GABBR2: variants seen among roughly 807,000 people sequenced by gnomAD.
GABBR2 encodes the protein gamma-aminobutyric acid type B receptor subunit 2.
In GABBR2, 23 loss-of-function variants were observed where a neutral mutation model predicts 105.6. The ratio of observed to expected loss-of-function variants is 0.22; its 90% confidence interval spans 0.16 to 0.31. The LOEUF is 0.31. GABBR2 is among the 10% of genes least tolerant of loss of function. The pLI, the probability that GABBR2 is intolerant of heterozygous loss-of-function variation, is 1.00. For missense variants in GABBR2, 734 were observed against 1,245.5 expected (o/e 0.59, Z 6.18); for synonymous variants, 478 against 499.7 (o/e 0.96, Z 0.58).
intron 1 of GABBR2, among the ~76,000 whole-genome samples, chr9:98,583,099 G>A (rs973328194): frequency 6.6e-6 from 1 of 152,212 alleles, no homozygotes; most frequent in Non-Finnish European, 1.5e-5. Context: ...CCAGATCAGA[G>A]CTCTTGGCTA....
intron 11 of GABBR2, among the ~76,000 whole-genome samples, chr9:98,384,827 T>C (rs542467214): frequency 3.1e-4 from 47 of 152,300 alleles, no homozygotes; most frequent in African/African-American, 1.1e-3. Context: ...ACCATAGATA[T>C]ATATATAAAG....
At chr9:98,523,586 G>A (rs10986531) in intron 3 of GABBR2, among the ~76,000 whole-genome samples, 36,143 of 152,144 alleles carry the variant, frequency 0.24, 4,992 homozygotes, top group Non-Finnish European at 0.31. Context: ...GTGGATATCC[G>A]AAAAGAAAAA....
At chr9:98,485,537 C>A (rs1299981995) in intron 4 of GABBR2, among the ~76,000 whole-genome samples, 1 of 152,038 alleles carries the variant, frequency 6.6e-6, no homozygotes, top group African/African-American at 2.4e-5. Flanking sequence ...CACACACACT[C>A]ACGCACGCAC....
At position 98,434,703 on chromosome 9, in the gene GABBR2, C is replaced by T. The variant is rs112560895; in HGVS notation, c.1236+19278G>A. ...CTTCCCTACTGAAGACTGAGGTCACCGCAGCCCTGTATAAGCCCCATGCAT... is the reference window on the plus strand; with the variant it reads ...CTTCCCTACTGAAGACTGAGGTCACTGCAGCCCTGTATAAGCCCCATGCAT... On this transcript the variant is annotated intron_variant, in intron 7 of 18. Coordinates refer to ENST00000259455, the MANE Select transcript of GABBR2 (RefSeq NM_005458.8). Among the ~76,000 whole-genome samples the T allele has an allele frequency of 5.1e-3, 779 of 152,224 alleles. 5 individuals carry two copies. Among genetic ancestry groups the T allele is most frequent in the Admixed American group, 8.8e-3 (135 of 15,288 alleles).
At chr9:98,654,706 A>C (rs912340939) in intron 1 of GABBR2, among the ~76,000 whole-genome samples, 1 of 152,208 alleles carries the variant, frequency 6.6e-6, no homozygotes, top group African/African-American at 2.4e-5. Flanking sequence ...AGAGAACTAC[A>C]TCATGTGTAT....
At chr9:98,511,597 T>C (rs2131697110) in intron 3 of GABBR2, among the ~76,000 whole-genome samples, 1 of 152,010 alleles carries the variant, frequency 6.6e-6, no homozygotes, top group South Asian at 2.1e-4. Context: ...CCCATAGAAA[T>C]ACAAACTACC....
At chr9:98,458,936 C>T (rs917556111) in intron 6 of GABBR2, among the ~76,000 whole-genome samples, 1 of 152,194 alleles carries the variant, frequency 6.6e-6, no homozygotes, top group Non-Finnish European at 1.5e-5. Flanking sequence ...TCTTATACTC[C>T]TCCAGTATTG....
intron 13 of GABBR2, among the ~76,000 whole-genome samples, chr9:98,340,622 CACCCTTTATGGACAT>C (rs1453473880): frequency 6.6e-6 from 1 of 152,148 alleles, no homozygotes; most frequent in African/African-American, 2.4e-5. Context: ...CTGGTAACAC[CACCCTTTATGGACAT>C]ACCTAATCTT....
At chr9:98,557,414 A>C (rs1828605117) in intron 2 of GABBR2, among the ~76,000 whole-genome samples, 1 of 152,196 alleles carries the variant, frequency 6.6e-6, no homozygotes, top group Admixed American at 6.5e-5. Flanking sequence ...GAGGGAGCAA[A>C]CTTACTGTGT....
At chr9:98,498,905 A>G (rs924549306) in intron 3 of GABBR2, among the ~76,000 whole-genome samples, 1 of 152,248 alleles carries the variant, frequency 6.6e-6, no homozygotes, top group African/African-American at 2.4e-5. Context: ...GAAAACATGC[A>G]CATGTGGCCC....
At chr9:98,577,710 C>T (rs1385934648) in intron 2 of GABBR2, among the ~76,000 whole-genome samples, 2 of 152,174 alleles carry the variant, frequency 1.3e-5, no homozygotes, top group Non-Finnish European at 2.9e-5. Context: ...AGCCCTGAAG[C>T]CTTCAAATAC....
chr9:98,439,634 G>A (rs1825995454), intron 7 of GABBR2, among the ~76,000 whole-genome samples: 1 of 152,184 alleles, frequency 6.6e-6, no homozygotes, highest in African/African-American at 2.4e-5. Flanking sequence ...GTGCATGCAT[G>A]CATGTGAGTG....
At chr9:98,327,006 G>C (rs540875352) in intron 13 of GABBR2, among the ~76,000 whole-genome samples, 53 of 152,332 alleles carry the variant, frequency 3.5e-4, no homozygotes, top group African/African-American at 1.1e-3. Flanking sequence ...ATGAACTCTG[G>C]AGATTTGCAG....
chr9:98,438,172 TATCCATCCATCCATCCATCCATCC>T (rs34647195), intron 7 of GABBR2, among the ~76,000 whole-genome samples: 1,638 of 143,818 alleles, frequency 0.011, 25 homozygotes, highest in African/African-American at 0.042. Flanking sequence ...TCCATCTACC[TATCCATCCATCCATCCATCCATCC>T]ATCCATCCAT....
chr9:98,535,569 C>T (rs934089441), intron 3 of GABBR2, among the ~76,000 whole-genome samples: 2 of 151,974 alleles, frequency 1.3e-5, no homozygotes, highest in African/African-American at 4.8e-5. Context: ...GGAGGATGTG[C>T]ATAGGCTATA....
rs560173701 is a variant in GABBR2, at chr9:98,468,232, T to G, written c.999+4914A>C. ...ATTCCTCCTACCAGAAAACTCCTGGTGCTAATGAGTGAGCTGGGGACAGCT... is the reference window on the plus strand; with the variant it reads ...ATTCCTCCTACCAGAAAACTCCTGGGGCTAATGAGTGAGCTGGGGACAGCT... On this transcript the variant is annotated intron_variant, in intron 6 of 18. Transcript: ENST00000259455. Among the ~76,000 whole-genome samples the G allele has an allele frequency of 2.0e-5, 3 of 152,236 alleles. No individual in the cohort carries two copies. The East Asian group carries it at 5.8e-4, about 29-fold the overall frequency.
At chr9:98,492,737 T>C (rs942105293) in intron 4 of GABBR2, among the ~76,000 whole-genome samples, 6 of 152,196 alleles carry the variant, frequency 3.9e-5, no homozygotes, top group African/African-American at 1.4e-4. Flanking sequence ...ATTTGTCTGA[T>C]GTTTTTCTCA....
chr9:98,444,086 A>C (rs1826078922), intron 7 of GABBR2, among the ~76,000 whole-genome samples: 1 of 152,202 alleles, frequency 6.6e-6, no homozygotes, highest in Non-Finnish European at 1.5e-5. Context: ...TAAATCATTG[A>C]ACTTTGCTGA....
At chr9:98,632,499 T>C (rs1179182270) in intron 1 of GABBR2, among the ~76,000 whole-genome samples, 2 of 152,186 alleles carry the variant, frequency 1.3e-5, no homozygotes, top group East Asian at 3.9e-4. Context: ...ATGGCTCTGA[T>C]CAATATTGAG....
Sources: allele counts gnomAD v4.1 joint callset (sites outside exome capture counted in the v4.1 genomes callset), GRCh38; gene constraint gnomAD v4.1.1; transcripts MANE v1.5; gene names NCBI Gene and HGNC (gene_info 2026-07-23, HGNC 2026-07-21).